AAK1: variants seen among roughly 807,000 people sequenced by gnomAD.
AAK1 encodes AP2-associated protein kinase 1.
A neutral mutation model predicts 116.0 loss-of-function variants in AAK1; 37 were observed. The observed-to-expected ratio is 0.32, with a 90% CI of 0.25 to 0.42. The LOEUF (loss-of-function observed/expected upper bound fraction) is 0.42, where lower values mean the gene tolerates loss of function less well. Among genes scored for constraint, AAK1 ranks in the 10% least tolerant of loss-of-function variants. The pLI is 1.00. For missense variants in AAK1, 919 were observed against 1,170.6 expected (o/e 0.79, Z 3.14); for synonymous variants, 458 against 439.9 (o/e 1.04, Z -0.51).
At chr2:69,561,039 T>C (rs930503662) in intron 2 of AAK1, among the ~76,000 whole-genome samples, 1 of 152,226 alleles carries the variant, frequency 6.6e-6, no homozygotes, top group African/African-American at 2.4e-5. Context: ...AAAGATGAGC[T>C]AGAAACCCAA....
At chr2:69,492,276 C>G (rs562027283) in intron 17 of AAK1, among the ~76,000 whole-genome samples, 1 of 151,228 alleles carries the variant, frequency 6.6e-6, no homozygotes, top group South Asian at 2.1e-4. Flanking sequence ...TGCAGTGGCG[C>G]GATCTCAGCT....
At chr2:69,572,512 G>C (rs890009531) in intron 2 of AAK1, among the ~76,000 whole-genome samples, 2 of 151,346 alleles carry the variant, frequency 1.3e-5, no homozygotes, top group Non-Finnish European at 2.9e-5. Flanking sequence ...CCAGCTACTC[G>C]GGAGGCTGAG....
At chr2:69,586,243 G>T (rs1672758956) in intron 2 of AAK1, among the ~76,000 whole-genome samples, 1 of 152,176 alleles carries the variant, frequency 6.6e-6, no homozygotes, top group South Asian at 2.1e-4. Flanking sequence ...GCTTAAAAAT[G>T]AACTGAGAAC....
At chr2:69,642,853 T>A in intron 2 of AAK1, 25 bp downstream of exon 2, 1 of 1,613,534 alleles carries the variant, frequency 6.2e-7, no homozygotes, top group Non-Finnish European at 8.5e-7. Flanking sequence ...GATTTTAATT[T>A]ACGGCGCATT....
Position 69,466,140 on chromosome 2 carries a change from C to G in AAK1, c.*9729G>C. 1 of 1,290,496 alleles carries G rather than the reference C, an allele frequency of 7.7e-7. No homozygotes were observed. Among genetic ancestry groups the G allele is most frequent in the Non-Finnish European group, 1.0e-6 (1 of 988,884 alleles). 79.9% of individuals were successfully genotyped at this position (1,290,496 alleles called of 1,614,324 possible). A position where few individuals can be genotyped will look rare whatever the true frequency, so the allele number is the denominator to read the frequency against. On this transcript the variant is annotated 3_prime_UTR_variant, in exon 22 of 22. Coordinates refer to ENST00000409085, the MANE Select transcript of AAK1 (RefSeq NM_014911.5). ...GGCAAAAACATCTGGCTCACTGAGC[C>G]CATCAGTGGCTGGCTGTGTGAAGGC...
chr2:69,505,110 C>T (rs1194924266), intron 16 of AAK1, among the ~76,000 whole-genome samples: 4 of 137,722 alleles, frequency 2.9e-5, no homozygotes, highest in African/African-American at 2.8e-5. Context: ...TCCCCAACAG[C>T]GTGCGTGCGT....
At chr2:69,508,753 G>C (rs1047973837) in intron 14 of AAK1, among the ~76,000 whole-genome samples, 4 of 152,238 alleles carry the variant, frequency 2.6e-5, no homozygotes, top group African/African-American at 9.6e-5. Context: ...GAGGAGCATA[G>C]CAGTCCCAGG....
At chr2:69,537,633 T>G (rs573343356) in intron 5 of AAK1, among the ~76,000 whole-genome samples, 1 of 152,330 alleles carries the variant, frequency 6.6e-6, no homozygotes, top group South Asian at 2.1e-4. Flanking sequence ...CTGCTAGGAC[T>G]GTGGTGGCTG....
In AAK1 at chr2:69,509,310, C is replaced by A. The variant is rs1329546351; in HGVS notation, c.1927G>T (p.Ala643Ser). 6.2e-7 allele frequency: 1 copy of A among 1,613,946 alleles called. No homozygotes were observed. The highest frequency in any genetic ancestry group is 8.5e-7 in the Non-Finnish European group (1 of 1,179,876). Residue 643 changes from alanine to serine, a missense_variant, in exon 14 of 22, where the codon GCA becomes TCA. By Grantham distance (99) the Ala-to-Ser change is moderately conservative. Coordinates refer to ENST00000409085, the MANE Select transcript of AAK1 (RefSeq NM_014911.5). ...RRILSDVTHS[A>S]VFGVPASKST... is the part of the protein sequence containing the mutation. The stretch of plus-strand genomic sequence containing the variant: ...TTGCTGGCAGGGACCCCAAAGACTG[C>A]ACTGTGGGTTACGTCACTGAGAATA...
At chr2:69,531,830 A>C in intron 6 of AAK1, 1 of 1,270,444 alleles carries the variant, frequency 7.9e-7, no homozygotes, top group Non-Finnish European at 1.0e-6. Flanking sequence ...GTGCTCTAAG[A>C]GTCCTTCCTT....
At chr2:69,482,663 A>T (rs762599014) in intron 18 of AAK1, 48 bp downstream of exon 18, 6 of 1,457,176 alleles carry the variant, frequency 4.1e-6, no homozygotes, top group Non-Finnish European at 5.8e-6. Context: ...TTCTTGAAAC[A>T]GGCACACATA....
chr2:69,542,005 T>G (rs1371291980), intron 5 of AAK1, among the ~76,000 whole-genome samples: 1 of 152,202 alleles, frequency 6.6e-6, no homozygotes, highest in East Asian at 1.9e-4. Flanking sequence ...TAAAACGTAG[T>G]AGAGTACATG....
At chr2:69,630,440 A>T (rs977197483) in intron 2 of AAK1, among the ~76,000 whole-genome samples, 8 of 151,966 alleles carry the variant, frequency 5.3e-5, no homozygotes, top group African/African-American at 1.9e-4. Flanking sequence ...ACATAGTGAT[A>T]CAAATATGGC....
In AAK1 at chr2:69,580,894, G is replaced by A. The variant is rs569007934; in HGVS notation, c.164-23916C>T. Among the ~76,000 whole-genome samples, 3 of 152,054 alleles carry A rather than the reference G, an allele frequency of 2.0e-5. No individual in the cohort carries two copies. The East Asian group carries it at 5.8e-4, about 29-fold the overall frequency. On this transcript the variant is annotated intron_variant, in intron 2 of 21. Coordinates refer to ENST00000409085, the MANE Select transcript of AAK1 (RefSeq NM_014911.5). ...TATTCAGTCTAATGCGCAAAATGAT[G>A]GTCACCACCAGCCCAAGGACAGTCA...
chr2:69,625,506 T>C (rs1430229044), intron 2 of AAK1, among the ~76,000 whole-genome samples: 1 of 152,036 alleles, frequency 6.6e-6, no homozygotes, highest in African/African-American at 2.4e-5. Context: ...GATGTTAGAG[T>C]TGGAAAGTAA....
chr2:69,523,181 G>A (rs879291064), intron 10 of AAK1, among the ~76,000 whole-genome samples: 3 of 152,166 alleles, frequency 2.0e-5, no homozygotes, highest in African/African-American at 7.2e-5. Flanking sequence ...GGAGTGGAGT[G>A]GGGAAAGGGA....
Position 69,476,031 on chromosome 2 carries a change from C to G in AAK1, c.2792-68G>C, listed in dbSNP as rs1045155925. ...TTAAGGTTTAGATGTGCAGAGCAAG[C>G]AAAGAAGAAAAACCAAACCAAAACC... On this transcript the variant is annotated intron_variant, in intron 21 of 21. Coordinates refer to ENST00000409085, the MANE Select transcript of AAK1 (RefSeq NM_014911.5). 4.8e-6 allele frequency: 7 copies of G among 1,464,232 alleles called. No homozygotes were observed. In the African/African-American group the frequency reaches 1.0e-4, roughly 21 times the overall value. 90.7% of individuals were successfully genotyped at this position (1,464,232 alleles called of 1,614,324 possible). A position where few individuals can be genotyped will look rare whatever the true frequency, so the allele number is the denominator to read the frequency against.
Position 69,467,623 on chromosome 2 carries a change from G to A in AAK1, c.*8246C>T, listed in dbSNP as rs540247107. 2 of 985,340 alleles carry A rather than the reference G, an allele frequency of 2.0e-6. No homozygotes were observed. Among genetic ancestry groups the A allele is most frequent in the Admixed American group, 6.1e-5 (1 of 16,266 alleles). 61.0% of individuals were successfully genotyped at this position (985,340 alleles called of 1,614,324 possible). On this transcript the variant is annotated 3_prime_UTR_variant, in exon 22 of 22. Transcript: ENST00000409085. ...AGAATATTAGATACAATGATTTGGA[G>A]CCATAGATGACCCAGAACCTCTGTA...
At chr2:69,509,833 C>A (rs551327940) in intron 13 of AAK1, among the ~76,000 whole-genome samples, 22 of 152,262 alleles carry the variant, frequency 1.4e-4, no homozygotes, top group African/African-American at 5.3e-4. Flanking sequence ...GAGTCACATA[C>A]AAACTCATTC....
Sources: allele counts gnomAD v4.1 joint callset (sites outside exome capture counted in the v4.1 genomes callset), GRCh38; gene constraint gnomAD v4.1.1; transcripts MANE v1.5; gene names NCBI Gene and HGNC (gene_info 2026-07-23, HGNC 2026-07-21).